The following MDH2 variants were observed in gnomAD, a reference collection of about 807,000 sequenced individuals.
MDH2 encodes malate dehydrogenase, mitochondrial.
MDH2 carries 25 observed loss-of-function variants against 33.6 expected under a neutral mutation model. That is an observed-to-expected ratio of 0.74 (90% CI 0.54 to 1.04). MDH2 has a LOEUF of 1.04. MDH2 is among the 50% of genes least tolerant of loss of function. MDH2 has a pLI of 0.00. For missense variants in MDH2, 432 were observed against 445.0 expected, an observed-to-expected ratio of 0.97 and a Z score of 0.26; for synonymous variants, 193 against 188.7, an observed-to-expected ratio of 1.02 and a Z score of -0.19.
At chr7:76,059,030 G>C (rs572310203) in intron 4 of MDH2, among the ~76,000 whole-genome samples, 1 of 152,206 alleles carries the variant, frequency 6.6e-6, no homozygotes, top group Non-Finnish European at 1.5e-5. Flanking sequence ...TGCAGCCTCT[G>C]CCTCCCAGGT....
At chr7:76,061,642 T>TA (rs60567434) in intron 5 of MDH2, among the ~76,000 whole-genome samples, 3,391 of 134,612 alleles carry the variant, frequency 0.025, 98 homozygotes, top group African/African-American at 0.073. Flanking sequence ...CCTGTCTCTT[T>TA]AAAAAAAAAA....
intron 1 of MDH2, chr7:76,048,646 G>T: frequency 7.9e-7 from 1 of 1,268,108 alleles, no homozygotes; most frequent in Non-Finnish European, 9.9e-7. Flanking sequence ...AAAAGAAATC[G>T]TATACTTCCT....
chr7:76,057,643 C>T, intron 3 of MDH2, 150 bp downstream of exon 3: 2 of 808,154 alleles, frequency 2.5e-6, no homozygotes, highest in Non-Finnish European at 3.9e-6. Flanking sequence ...GGTCACATCT[C>T]TTTGTTGGCC....
Position 76,057,449 on chromosome 7 carries a change from G to A in MDH2, c.275G>A (p.Gly92Asp). ...GPEQLPDCLK[G>D]CDVVVIPAGV... ...GAACAGCTGCCTGACTGCCTGAAAG[G>A]TTGTGATGTGGTAGTTATTCCGGCT... The change falls in exon 3 of 9, where the codon GGT becomes GAT. Residue 92 changes from glycine (G) to aspartate (D), a missense_variant. Gly to Asp is a moderately conservative substitution (Grantham distance 94). Coordinates refer to ENST00000315758, the MANE Select transcript of MDH2 (RefSeq NM_005918.4). The A allele has an allele frequency of 6.2e-7, 1 of 1,614,180 alleles. No homozygotes were observed. Among genetic ancestry groups the A allele is most frequent in the Non-Finnish European group, 8.5e-7 (1 of 1,180,034 alleles).
intron 5 of MDH2, 40 bp from the exon 6 acceptor site, chr7:76,063,473 AAG>A: frequency 6.3e-7 from 1 of 1,588,426 alleles, no homozygotes; most frequent in Non-Finnish European, 8.6e-7. Flanking sequence ...TTTACAGTGA[AAG>A]AGCTTGTTAA....
rs782097077 is a variant in MDH2, at chr7:76,066,421, C to A, written c.*11C>A. 1.3e-6 allele frequency: 2 copies of A among 1,598,422 alleles called. No homozygotes were observed. The highest frequency in any genetic ancestry group is 2.7e-5 in the African/African-American group (2 of 73,468). ...AAGACCCTGAAGTGAGCCGCTGTGA[C>A]GGGTGGCCAGTTTCCTTAATTTATG... On this transcript the variant is annotated 3_prime_UTR_variant, in exon 9 of 9. Coordinates refer to ENST00000315758, the MANE Select transcript of MDH2 (RefSeq NM_005918.4).
intron 1 of MDH2, among the ~76,000 whole-genome samples, chr7:76,053,013 G>A (rs1410957122): frequency 6.6e-6 from 1 of 152,176 alleles, no homozygotes; most frequent in South Asian, 2.1e-4. Flanking sequence ...GCCTGAGCAC[G>A]AGAGTGAAAT....
chr7:76,049,107 A>G, intron 1 of MDH2: 1 of 984,922 alleles, frequency 1.0e-6, no homozygotes, highest in Non-Finnish European at 1.2e-6. Flanking sequence ...TTTAAAGGGG[A>G]ATCCAAATTT....
chr7:76,055,416 G>A (rs192378171), intron 2 of MDH2, among the ~76,000 whole-genome samples: 69 of 151,908 alleles, frequency 4.5e-4, no homozygotes, highest in Non-Finnish European at 4.7e-4. Flanking sequence ...AGGCAGTGTC[G>A]GATATTCAGT....
chr7:76,059,389 G>C (rs558990902), intron 4 of MDH2, among the ~76,000 whole-genome samples: 28 of 152,310 alleles, frequency 1.8e-4, no homozygotes, highest in African/African-American at 6.3e-4. Flanking sequence ...TTCCATTCCT[G>C]GTCCCCTGTT....
intron 5 of MDH2, among the ~76,000 whole-genome samples, chr7:76,061,854 C>G (rs1273557625): frequency 6.6e-6 from 1 of 152,182 alleles, no homozygotes; most frequent in Non-Finnish European, 1.5e-5. Flanking sequence ...CTGCCCTGCA[C>G]CATAGCTGCC....
At chr7:76,048,595 A>G in intron 1 of MDH2, 2 of 1,302,090 alleles carry the variant, frequency 1.5e-6, no homozygotes, top group Non-Finnish European at 1.9e-6. Context: ...GCTTTGACGT[A>G]GCTAATCTCC....
intron 1 of MDH2, among the ~76,000 whole-genome samples, chr7:76,053,823 G>T (rs1554585790): frequency 6.6e-6 from 1 of 152,166 alleles, no homozygotes; most frequent in South Asian, 2.1e-4. Context: ...CCTGGGTATG[G>T]CTGTAATTTT....
chr7:76,058,301 A>G, intron 4 of MDH2: 2 of 542,024 alleles, frequency 3.7e-6, no homozygotes, highest in Non-Finnish European at 6.7e-6. Flanking sequence ...GGGTTGTCAC[A>G]GCCAGCCTTG....
chr7:76,057,380 G>A, intron 2 of MDH2, 30 bp from the exon 3 acceptor site: 1 of 1,611,818 alleles, frequency 6.2e-7, no homozygotes, highest in Non-Finnish European at 8.5e-7. Context: ...CAGAAACGGT[G>A]ACATTTCTCT....
intron 1 of MDH2, chr7:76,048,466 TC>T: frequency 8.4e-7 from 1 of 1,190,194 alleles, no homozygotes; most frequent in Non-Finnish European, 1.1e-6. Flanking sequence ...TTGTCAGGGT[TC>T]CCCCAGGTCT....
chr7:76,059,278 C>T (rs869805), intron 4 of MDH2, among the ~76,000 whole-genome samples: 68,894 of 152,086 alleles, frequency 0.45, 18,085 homozygotes, highest in African/African-American at 0.72. Flanking sequence ...TTTCTGAAAT[C>T]TTCCGTGTAA....
In MDH2 at chr7:76,066,236, C is replaced by CT. The variant is rs782327858; in HGVS notation, c.886-40dup. The CT allele has an allele frequency of 1.9e-5, 30 of 1,593,754 alleles. No homozygotes were observed. The South Asian group carries it at 2.8e-4, about 15-fold the overall frequency. On this transcript the variant is annotated intron_variant, in intron 8 of 8. Coordinates refer to ENST00000315758, the MANE Select transcript of MDH2 (RefSeq NM_005918.4). ...CAGGTCGGGGTTTCTCTAACAAGCACTTTCCTGGAAACTTCATTTTAACAT... is the reference window on the plus strand; with the variant it reads ...CAGGTCGGGGTTTCTCTAACAAGCACTTTTCCTGGAAACTTCATTTTAACAT...
intron 1 of MDH2, among the ~76,000 whole-genome samples, chr7:76,051,864 G>A (rs1554585499): frequency 2.0e-5 from 3 of 152,172 alleles, no homozygotes; most frequent in Non-Finnish European, 2.9e-5. Context: ...AAAGGTCAGC[G>A]GGTCTGGAAG....
Sources: gnomAD v4.1 joint callset for allele counts (sites outside exome capture counted in the v4.1 genomes callset) on GRCh38, gnomAD v4.1.1 for gene constraint, MANE v1.5 for transcripts, NCBI Gene and HGNC (gene_info 2026-07-23, HGNC 2026-07-21) for gene names.